Variants in AIMP1 observed in about 807,000 individuals in gnomAD.
AIMP1 encodes aminoacyl tRNA synthetase complex interacting multifunctional protein 1.
A neutral mutation model predicts 33.1 loss-of-function variants in AIMP1; 24 were observed. The ratio of observed to expected loss-of-function variants is 0.73; its 90% CI spans 0.53 to 1.02. The LOEUF (loss-of-function observed/expected upper bound fraction) is 1.02. Among genes scored for constraint, AIMP1 ranks in the 50% least tolerant of loss-of-function variants. The pLI is 0.00. For synonymous variants in AIMP1, 120 were observed against 121.5 expected (o/e 0.99, Z 0.08); for missense variants, 367 against 364.8 (o/e 1.01, Z -0.05).
intron 1 of AIMP1, 142 bp from the exon 2 acceptor site, chr4:106,324,843 C>G (rs772560889): frequency 1.9e-4 from 116 of 599,432 alleles, no homozygotes; most frequent in Admixed American, 2.8e-4. Flanking sequence ...GCTTGTTGCT[C>G]TCCATAGGAA....
At chr4:106,322,406 G>A (rs935554979) in intron 1 of AIMP1, among the ~76,000 whole-genome samples, 1 of 152,102 alleles carries the variant, frequency 6.6e-6, no homozygotes, top group African/African-American at 2.4e-5. Context: ...GCCAGTGCTA[G>A]TGATCATTAT....
intron 2 of AIMP1, among the ~76,000 whole-genome samples, chr4:106,326,545 C>G (rs73839428): frequency 0.018 from 2,773 of 152,208 alleles, 80 homozygotes; most frequent in African/African-American, 0.061. Context: ...TTAACACATA[C>G]ATTATATTTT....
At chr4:106,346,028 T>A (rs1401081814) in intron 6 of AIMP1, among the ~76,000 whole-genome samples, 2 of 151,632 alleles carry the variant, frequency 1.3e-5, no homozygotes, top group Admixed American at 1.3e-4. Context: ...TAATTATACT[T>A]CAGCAATTTT....
Position 106,316,563 on chromosome 4 carries a change from G to C in AIMP1, c.-57G>C. 4 of 1,551,570 alleles carry C rather than the reference G, an allele frequency of 2.6e-6. No individual in the cohort carries two copies. The highest frequency in any genetic ancestry group is 3.5e-6 in the Non-Finnish European group (4 of 1,146,958). On this transcript the variant is annotated 5_prime_UTR_variant, in exon 1 of 7. Transcript: ENST00000672341. ...CTGGACCTACATGCTTCCTGCTGTG[G>C]CTGTCTCGGAACCCGTGGTCCTCCG... is the stretch of plus-strand genomic sequence containing the variant.
chr4:106,339,964 T>G (rs1276310010), intron 6 of AIMP1, among the ~76,000 whole-genome samples: 2 of 152,206 alleles, frequency 1.3e-5, no homozygotes, highest in South Asian at 2.1e-4. Context: ...CAGATGAAGC[T>G]TCATAATGTG....
chr4:106,332,803 A>G (rs1255229326), intron 5 of AIMP1, among the ~76,000 whole-genome samples: 1 of 151,976 alleles, frequency 6.6e-6, no homozygotes, highest in Non-Finnish European at 1.5e-5. Context: ...GGAGTTAGTC[A>G]TGAAACTTCT....
At chr4:106,329,736 G>A (rs1484643626) in intron 4 of AIMP1, among the ~76,000 whole-genome samples, 1 of 145,026 alleles carries the variant, frequency 6.9e-6, no homozygotes, top group Non-Finnish European at 1.5e-5. Context: ...TGCAAGGGCT[G>A]TGGTGCCCAT....
intron 1 of AIMP1, among the ~76,000 whole-genome samples, chr4:106,318,613 T>G (rs1769079977): frequency 1.3e-5 from 2 of 152,224 alleles, no homozygotes; most frequent in African/African-American, 4.8e-5. Context: ...TTTAAGTTGT[T>G]GACATCTTTA....
chr4:106,334,994 A>AT (rs968610221), intron 5 of AIMP1, among the ~76,000 whole-genome samples: 9 of 152,142 alleles, frequency 5.9e-5, no homozygotes, highest in Non-Finnish European at 1.0e-4. Flanking sequence ...AAAGTTTGGC[A>AT]TTTTTTCTGA....
intron 2 of AIMP1, 64 bp from the exon 3 acceptor site, chr4:106,327,387 T>C (rs1160975941): frequency 1.6e-6 from 2 of 1,224,740 alleles, no homozygotes; most frequent in Non-Finnish European, 2.4e-6. Flanking sequence ...TGTCTTCTTT[T>C]CAAATAGTAT....
chr4:106,323,000 AG>A, intron 1 of AIMP1, among the ~76,000 whole-genome samples: 1 of 151,912 alleles, frequency 6.6e-6, no homozygotes, highest in South Asian at 2.1e-4. Context: ...AAAAAAAAAA[AG>A]TTTTATCACT....
chr4:106,317,627 G>C (rs1463612198), intron 1 of AIMP1, among the ~76,000 whole-genome samples: 1 of 152,210 alleles, frequency 6.6e-6, no homozygotes, highest in African/African-American at 2.4e-5. Flanking sequence ...ATATGTAAGA[G>C]TATTATAGAT....
At chr4:106,320,957 G>A (rs984268967) in intron 1 of AIMP1, among the ~76,000 whole-genome samples, 21 of 152,094 alleles carry the variant, frequency 1.4e-4, no homozygotes, top group African/African-American at 4.8e-4. Flanking sequence ...CGTGTTGGCC[G>A]GGCTGGTCTC....
At position 106,336,793 on chromosome 4, in the gene AIMP1, T is replaced by C. The variant is rs576629672; in HGVS notation, c.604-76T>C. 318 of 1,315,272 alleles carry C rather than the reference T, an allele frequency of 2.4e-4. 1 individual carries two copies. The highest frequency in any genetic ancestry group is 1.4e-3 in the Admixed American group (86 of 59,628). 81.5% of individuals were successfully genotyped at this position (1,315,272 alleles called of 1,614,324 possible). ...AACATTTGATACTTAGCATATTAGGTGTAGCTTAATGTAGTCTGGATATGA... is the reference window on the plus strand; with the variant it reads ...AACATTTGATACTTAGCATATTAGGCGTAGCTTAATGTAGTCTGGATATGA... On this transcript the variant is annotated intron_variant, in intron 5 of 6. Transcript: ENST00000672341.
At chr4:106,321,654 G>A (rs867127998) in intron 1 of AIMP1, among the ~76,000 whole-genome samples, 27 of 151,768 alleles carry the variant, frequency 1.8e-4, no homozygotes, top group Non-Finnish European at 2.5e-4. Context: ...CATCTGGGAA[G>A]TGAGGAGCCC....
rs1300215233 is a variant in AIMP1, at chr4:106,328,154, C to A, written c.302C>A (p.Ala101Glu). Reference sequence around the variant, plus strand: ...TCTGAAAATGTGATACAGTCTACAGCAGTAACAACCGTATCTTCTGGTACC... The same window carrying A: ...TCTGAAAATGTGATACAGTCTACAGAAGTAACAACCGTATCTTCTGGTACC... ...MVSENVIQST[A>E]VTTVSSGTKE... Residue 101 changes from alanine (A) to glutamate (E), a missense_variant, in exon 4 of 7, where the codon GCA becomes GAA. Transcript: ENST00000672341. 1 of 1,613,412 alleles carries A rather than the reference C, an allele frequency of 6.2e-7. No individual in the cohort carries two copies. The highest frequency in any genetic ancestry group is 2.2e-5 in the East Asian group (1 of 44,800).
intron 5 of AIMP1, among the ~76,000 whole-genome samples, chr4:106,336,196 C>T (rs1299338204): frequency 6.7e-6 from 1 of 149,750 alleles, no homozygotes; most frequent in Non-Finnish European, 1.5e-5. Context: ...CCATGCCCAG[C>T]GAATTTTTTT....
chr4:106,328,984 T>A (rs1482647198), intron 4 of AIMP1, among the ~76,000 whole-genome samples: 2 of 151,984 alleles, frequency 1.3e-5, no homozygotes, highest in Non-Finnish European at 2.9e-5. Context: ...CAGATATGTC[T>A]AAAAAGTTGC....
chr4:106,337,522 C>T (rs1170567364), intron 6 of AIMP1, among the ~76,000 whole-genome samples: 2 of 152,184 alleles, frequency 1.3e-5, no homozygotes, highest in African/African-American at 4.8e-5. Context: ...GATCGTGAGG[C>T]CTCTGCAGCC....
Sources: gnomAD v4.1 joint callset for allele counts (sites outside exome capture counted in the v4.1 genomes callset) on GRCh38, gnomAD v4.1.1 for gene constraint, MANE v1.5 for transcripts, NCBI Gene and HGNC (gene_info 2026-07-23, HGNC 2026-07-21) for gene names.